The following IQCM variants were observed in gnomAD, a reference collection of about 807,000 sequenced individuals.
IQCM encodes IQ motif containing M.
IQCM carries 45 observed loss-of-function variants against 57.6 expected under a neutral mutation model. That is an observed-to-expected ratio of 0.78 (90% CI 0.62 to 1.00). The LOEUF (loss-of-function observed/expected upper bound fraction) is 1.00, where lower values mean the gene tolerates loss of function less well. Ranked by LOEUF, IQCM falls within the 50% of genes least tolerant of loss-of-function variation. The pLI is 0.00. For synonymous variants in IQCM, 148 were observed against 158.9 expected (o/e 0.93, Z 0.51); for missense variants, 468 against 511.6 (o/e 0.91, Z 0.82).
At chr4:149,712,921 G>A (rs1165296122) in intron 5 of IQCM, among the ~76,000 whole-genome samples, 4 of 152,010 alleles carry the variant, frequency 2.6e-5, no homozygotes, top group East Asian at 3.9e-4. Flanking sequence ...GCCTAGGTCA[G>A]GATACAAATA....
chr4:149,697,396 T>TA (rs1399667139), intron 5 of IQCM, among the ~76,000 whole-genome samples: 4 of 151,956 alleles, frequency 2.6e-5, no homozygotes, highest in East Asian at 1.9e-4. Context: ...TAAAGCATAA[T>TA]AAAAAAATAA....
chr4:149,513,982 T>C (rs1230953468), intron 12 of IQCM, among the ~76,000 whole-genome samples: 1 of 152,208 alleles, frequency 6.6e-6, no homozygotes, highest in Non-Finnish European at 1.5e-5. Context: ...ATGAACTGAA[T>C]AGACCCCTTA....
chr4:149,540,516 A>C (rs1475206180), intron 12 of IQCM, among the ~76,000 whole-genome samples: 1 of 151,942 alleles, frequency 6.6e-6, no homozygotes, highest in Non-Finnish European at 1.5e-5. Context: ...ATAGAGATTG[A>C]CTGTCGTCCA....
intron 7 of IQCM, among the ~76,000 whole-genome samples, chr4:149,666,839 A>G: frequency 6.6e-6 from 1 of 152,110 alleles, no homozygotes; most frequent in Non-Finnish European, 1.5e-5. Context: ...AGGCCACCAC[A>G]GCACCACAAA....
intron 9 of IQCM, among the ~76,000 whole-genome samples, chr4:149,571,052 G>A (rs1322459677): frequency 6.6e-6 from 1 of 152,084 alleles, no homozygotes; most frequent in Non-Finnish European, 1.5e-5. Flanking sequence ...TGGTGGGAAT[G>A]TAAATTAGCA....
intron 7 of IQCM, among the ~76,000 whole-genome samples, chr4:149,640,069 G>A (rs1461540105): frequency 3.9e-5 from 6 of 152,110 alleles, no homozygotes; most frequent in Admixed American, 3.3e-4. Flanking sequence ...TTGCCTTCAG[G>A]TGGATTTCAA....
At chr4:149,358,881 G>GAGTATATAATGATAT (rs1187484408) in intron 13 of IQCM, among the ~76,000 whole-genome samples, 2 of 81,048 alleles carry the variant, frequency 2.5e-5, no homozygotes, top group Non-Finnish European at 5.9e-5. Flanking sequence ...TATATCATGA[G>GAGTATATAATGATAT]ACCACAGTGG....
At chr4:149,512,262 G>T (rs1051649790) in intron 12 of IQCM, among the ~76,000 whole-genome samples, 1 of 152,080 alleles carries the variant, frequency 6.6e-6, no homozygotes, top group East Asian at 1.9e-4. Flanking sequence ...ATAGGGGTTG[G>T]GGGGGCAGTG....
At chr4:149,569,976 G>A (rs1191360424) in intron 9 of IQCM, among the ~76,000 whole-genome samples, 1 of 151,896 alleles carries the variant, frequency 6.6e-6, no homozygotes, top group Non-Finnish European at 1.5e-5. Flanking sequence ...AGTACAAACT[G>A]GAATGAAATA....
chr4:149,563,538 A>T (rs1238642165), intron 10 of IQCM, among the ~76,000 whole-genome samples, 154 bp downstream of exon 10: 1 of 152,132 alleles, frequency 6.6e-6, no homozygotes, highest in East Asian at 1.9e-4. Context: ...GTGAGCCAAG[A>T]TCACGCCATT....
chr4:149,661,668 A>G (rs1426005842), intron 7 of IQCM, among the ~76,000 whole-genome samples: 1 of 152,050 alleles, frequency 6.6e-6, no homozygotes, highest in African/African-American at 2.4e-5. Flanking sequence ...TATCTTCATA[A>G]TTTAAACTTG....
intron 13 of IQCM, among the ~76,000 whole-genome samples, chr4:149,391,954 G>A (rs1731886413): frequency 6.6e-6 from 1 of 151,880 alleles, no homozygotes; most frequent in Non-Finnish European, 1.5e-5. Context: ...TTCTGCTGCT[G>A]TTGGCTGCTT....
intron 2 of IQCM, among the ~76,000 whole-genome samples, chr4:149,774,770 C>CA (rs566184766): frequency 0.08 from 8,910 of 110,896 alleles, 321 homozygotes; most frequent in African/African-American, 0.11. Context: ...TTCTTAAAAC[C>CA]AAAAAAAAAA....
chr4:149,515,071 CGTGTGT>C lies in IQCM; in HGVS notation c.1228+33378_1228+33383del, dbSNP rs58534209. On this transcript the variant is annotated intron_variant, in intron 12 of 13. Transcript: ENST00000636793. The stretch of plus-strand genomic sequence containing the variant: ...CTTAATAAACTCCCATATATATACA[CGTGTGT>C]GTGTGTGTGTGTGTGTGTGTGTGTG... 8.1e-3 allele frequency among the ~76,000 whole-genome samples: 1,151 copies of C among 142,872 alleles called. 13 individuals carry two copies. Among genetic ancestry groups the C allele is most frequent in the East Asian group, 0.023 (108 of 4,768 alleles). 93.7% of individuals were successfully genotyped at this position (142,872 alleles called of 152,430 possible). A position where few individuals can be genotyped will look rare whatever the true frequency, so the allele number is the denominator to read the frequency against.
chr4:149,449,630 T>C (rs1267946560), intron 12 of IQCM, among the ~76,000 whole-genome samples: 4 of 151,150 alleles, frequency 2.6e-5, no homozygotes, highest in Non-Finnish European at 5.9e-5. Flanking sequence ...CACATAAAAT[T>C]AAATATCTAG....
At chr4:149,660,563 C>T (rs1478275755) in intron 7 of IQCM, among the ~76,000 whole-genome samples, 1 of 152,200 alleles carries the variant, frequency 6.6e-6, no homozygotes, top group Non-Finnish European at 1.5e-5. Context: ...TTCACAATAG[C>T]AAAGTCTTGG....
chr4:149,801,254 T>C (rs1176782926), intron 2 of IQCM, among the ~76,000 whole-genome samples: 1 of 151,760 alleles, frequency 6.6e-6, no homozygotes, highest in Non-Finnish European at 1.5e-5. Flanking sequence ...GGTGAGGTTG[T>C]GGAAAAAAAA....
intron 2 of IQCM, among the ~76,000 whole-genome samples, chr4:149,770,276 C>T (rs1056377736): frequency 1.3e-5 from 2 of 151,960 alleles, no homozygotes; most frequent in Non-Finnish European, 2.9e-5. Context: ...AAACAGATAA[C>T]CTGCTTATTT....
chr4:149,474,154 CA>C (rs938188728), intron 12 of IQCM, among the ~76,000 whole-genome samples: 56 of 131,716 alleles, frequency 4.3e-4, no homozygotes, highest in South Asian at 9.7e-4. Context: ...GATTGCTAGT[CA>C]AAAAAAAAAG....
Sources: allele counts gnomAD v4.1 joint callset (sites outside exome capture counted in the v4.1 genomes callset), GRCh38; gene constraint gnomAD v4.1.1; transcripts MANE v1.5; gene names NCBI Gene and HGNC (gene_info 2026-07-23, HGNC 2026-07-21).